Variants in XPO7 observed in about 807,000 individuals in gnomAD.
The protein encoded by XPO7 is exportin-7.
In XPO7, 21 loss-of-function variants were observed where a neutral mutation model predicts 144.3. The ratio of observed to expected loss-of-function variants is 0.15; its 90% CI spans 0.10 to 0.21. XPO7 has a LOEUF of 0.21. Among genes scored for constraint, XPO7 ranks in the 10% least tolerant of loss-of-function variants. The pLI, the probability that XPO7 is intolerant of heterozygous loss-of-function variation, is 1.00. For missense variants in XPO7, 808 were observed against 1,325.8 expected (o/e 0.61, Z 6.06); for synonymous variants, 580 against 499.6 (o/e 1.16, Z -2.15).
At chr8:21,949,643 C>G (rs181523294) in intron 1 of XPO7, among the ~76,000 whole-genome samples, 49 of 152,280 alleles carry the variant, frequency 3.2e-4, no homozygotes, top group Non-Finnish European at 6.0e-4. Context: ...TTTCTTTCCC[C>G]CATATAACAA....
In XPO7 at chr8:21,995,599, G is replaced by T; in HGVS notation, c.2345G>T (p.Arg782Met). The T allele has an allele frequency of 6.3e-7, 1 of 1,591,606 alleles. No individual in the cohort carries two copies. The stretch of plus-strand genomic sequence containing the variant: ...TTGATGGCTGAATTGGTTCATAATA[G>T]GTAAGCAGGAGGCAGAGCTTGCAAG... ...LKLMAELVHN[R>M]SQRLQFDVSS... is the part of the protein sequence containing the mutation. Residue 782 changes from arginine (R) to methionine (M), a missense_variant and splice_region_variant, in exon 21 of 28, where the codon AGG becomes ATG. Transcript: ENST00000252512.
intron 24 of XPO7, among the ~76,000 whole-genome samples, chr8:21,999,892 G>A (rs962044092): frequency 2.6e-4 from 39 of 152,128 alleles, no homozygotes; most frequent in Admixed American, 2.4e-3. Flanking sequence ...CTGAGGATAC[G>A]GTAATTAACA....
At chr8:21,958,649 G>A (rs1173685755) in intron 1 of XPO7, among the ~76,000 whole-genome samples, 1 of 151,868 alleles carries the variant, frequency 6.6e-6, no homozygotes, top group Admixed American at 6.6e-5. Context: ...CAGTTGTTTA[G>A]TGTGAAAGCT....
intron 20 of XPO7, 39 bp downstream of exon 20, chr8:21,994,490 T>C (rs756086755): frequency 1.1e-5 from 17 of 1,559,888 alleles, no homozygotes; most frequent in South Asian, 3.4e-5. Flanking sequence ...ACAGCCTGCC[T>C]TAACTGGAGT....
At chr8:21,930,903 C>A (rs1019711160) in intron 1 of XPO7, among the ~76,000 whole-genome samples, 1 of 152,148 alleles carries the variant, frequency 6.6e-6, no homozygotes, top group African/African-American at 2.4e-5. Flanking sequence ...TTGCGATCTC[C>A]GATCTCAGCT....
intron 1 of XPO7, among the ~76,000 whole-genome samples, chr8:21,945,899 T>G (rs1196386428): frequency 1.3e-5 from 2 of 151,936 alleles, no homozygotes; most frequent in Admixed American, 6.6e-5. Context: ...GTGTTGGGAG[T>G]AGTGAAGTCA....
chr8:22,002,276 A>G lies in XPO7; in HGVS notation c.2943+4A>G. On this transcript the variant is annotated splice_donor_region_variant and intron_variant, in intron 25 of 27. Coordinates refer to ENST00000252512, the MANE Select transcript of XPO7 (RefSeq NM_015024.5). ...GCATCCAGAGATGATCCAGCAGGTA[A>G]GAAAGTGGAGGCTTAGGAGGCAGTG... The G allele has an allele frequency of 6.2e-7, 1 of 1,611,700 alleles. No homozygotes were observed. The highest frequency in any genetic ancestry group is 8.5e-7 in the Non-Finnish European group (1 of 1,178,998).
intron 1 of XPO7, among the ~76,000 whole-genome samples, chr8:21,946,907 A>G (rs990312919): frequency 3.0e-4 from 46 of 152,212 alleles, no homozygotes; most frequent in African/African-American, 1.0e-3. Flanking sequence ...CAAAAGAGAA[A>G]AGTGAATGTC....
At chr8:21,935,351 A>C (rs1490310674) in intron 1 of XPO7, among the ~76,000 whole-genome samples, 2 of 152,182 alleles carry the variant, frequency 1.3e-5, no homozygotes, top group African/African-American at 4.8e-5. Flanking sequence ...ATTTCTTTTT[A>C]TTTTTATATC....
Position 21,977,579 on chromosome 8 carries a change from C to T in XPO7, c.764-191C>T, listed in dbSNP as rs527819572. Reference sequence around the variant, plus strand: ...CAGCCTGGGCTACAGAGGGAGACTCCGTCTCAAAAAAAAGAGAAAAGAAAA... The same window carrying T: ...CAGCCTGGGCTACAGAGGGAGACTCTGTCTCAAAAAAAAGAGAAAAGAAAA... On this transcript the variant is annotated intron_variant, in intron 7 of 27. Coordinates refer to ENST00000252512, the MANE Select transcript of XPO7 (RefSeq NM_015024.5). Among the ~76,000 whole-genome samples the T allele has an allele frequency of 3.9e-5, 6 of 152,032 alleles. No individual in the cohort carries two copies. The East Asian group carries it at 9.7e-4, about 24-fold the overall frequency.
At position 21,987,130 on chromosome 8, in the gene XPO7, TC is replaced by T; in HGVS notation, c.1578-10del. 6.2e-7 allele frequency: 1 copy of T among 1,613,636 alleles called. No homozygotes were observed. The highest frequency in any genetic ancestry group is 8.5e-7 in the Non-Finnish European group (1 of 1,179,860). ...CTGCTGTTGAGAGAATCATTGCTCCTCTTCCTCCAGGGTGCTCCAGCTGATG... is the reference window on the plus strand; with the variant it reads ...CTGCTGTTGAGAGAATCATTGCTCCTTTCCTCCAGGGTGCTCCAGCTGATG... On this transcript the variant is annotated splice_polypyrimidine_tract_variant and intron_variant, in intron 13 of 27. Coordinates refer to ENST00000252512, the MANE Select transcript of XPO7 (RefSeq NM_015024.5).
chr8:21,982,465 C>T (rs752766562), intron 10 of XPO7, among the ~76,000 whole-genome samples, 175 bp from the exon 11 acceptor site: 4 of 152,026 alleles, frequency 2.6e-5, no homozygotes, highest in African/African-American at 9.7e-5. Flanking sequence ...GATGCTTAAT[C>T]TTGAAAATAC....
chr8:21,985,753 G>A lies in XPO7; in HGVS notation c.1577+62G>A, dbSNP rs1812558107. 15 of 1,428,864 alleles carry A rather than the reference G, an allele frequency of 1.0e-5. No homozygotes were observed. The South Asian group carries it at 1.7e-4, about 16-fold the overall frequency. 88.5% of individuals were successfully genotyped at this position (1,428,864 alleles called of 1,614,324 possible). A position where few individuals can be genotyped will look rare whatever the true frequency, so the allele number is the denominator to read the frequency against. ...GCTGGCACTTCTCCACTCCCCGATAGGGTCCTCTCCACTTACAGAACGTAA... is the reference window on the plus strand; with the variant it reads ...GCTGGCACTTCTCCACTCCCCGATAAGGTCCTCTCCACTTACAGAACGTAA... On this transcript the variant is annotated intron_variant, in intron 13 of 27. Coordinates refer to ENST00000252512, the MANE Select transcript of XPO7 (RefSeq NM_015024.5).
chr8:21,987,889 C>T, intron 15 of XPO7, 32 bp downstream of exon 15: 3 of 1,603,736 alleles, frequency 1.9e-6, no homozygotes, highest in Non-Finnish European at 2.6e-6. Flanking sequence ...CAGCAAGAGT[C>T]CTTTGCACTC....
rs1254515499 is a variant in XPO7, at chr8:21,995,507, G to A, written c.2253G>A (p.Met751Ile). 1 of 1,608,094 alleles carries A rather than the reference G, an allele frequency of 6.2e-7. No individual in the cohort carries two copies. Among genetic ancestry groups the A allele is most frequent in the Admixed American group, 1.7e-5 (1 of 59,314 alleles). ...MLFEWIYPSY[M>I]PILQRAIELW... ...TCATTTACAGATATCCATCCTATAT[G>A]CCAATTCTCCAACGGGCAATTGAGC... The change falls in exon 21 of 28, where the codon ATG becomes ATA. Residue 751 changes from methionine to isoleucine, a missense_variant. By Grantham distance (10) the Met-to-Ile change is conservative (BLOSUM62 1). Transcript: ENST00000252512.
chr8:21,984,953 G>C (rs1483800944), intron 12 of XPO7, 114 bp downstream of exon 12: 22 of 1,135,762 alleles, frequency 1.9e-5, no homozygotes, highest in Non-Finnish European at 2.6e-5. Context: ...TTCATCATCT[G>C]TTGTCTCCAT....
intron 14 of XPO7, 26 bp from the exon 15 acceptor site, chr8:21,987,758 T>G: frequency 6.2e-7 from 1 of 1,612,882 alleles, no homozygotes; most frequent in Non-Finnish European, 8.5e-7. Context: ...TCATGTGTTC[T>G]GGTTACTTTC....
chr8:21,936,238 C>T (rs1359888331), intron 1 of XPO7, among the ~76,000 whole-genome samples: 10 of 151,990 alleles, frequency 6.6e-5, no homozygotes, highest in South Asian at 2.1e-4. Context: ...CAAGTCATTC[C>T]GATTAGCAGC....
intron 1 of XPO7, 34 bp from the exon 2 acceptor site, chr8:21,966,823 T>G (rs777089991): frequency 6.3e-7 from 1 of 1,597,800 alleles, no homozygotes. Context: ...TGTAGTAGGC[T>G]GAACTGTTTT....
Sources: allele counts gnomAD v4.1 joint callset (sites outside exome capture counted in the v4.1 genomes callset), GRCh38; gene constraint gnomAD v4.1.1; transcripts MANE v1.5; gene names NCBI Gene and HGNC (gene_info 2026-07-23, HGNC 2026-07-21).